UBE2K: variants seen among roughly 807,000 people sequenced by gnomAD.
UBE2K encodes ubiquitin-conjugating enzyme E2 K.
A neutral mutation model predicts 30.0 loss-of-function variants in UBE2K; 6 were observed. The observed-to-expected ratio is 0.20, with a 90% CI of 0.11 to 0.39. The LOEUF (loss-of-function observed/expected upper bound fraction) is 0.39. UBE2K is among the 10% of genes least tolerant of loss of function. The probability of loss-of-function intolerance (pLI) is 1.00; values close to 1 mark genes in which losing one functional copy is unlikely to be tolerated. For missense variants in UBE2K, 61 were observed against 241.6 expected (o/e 0.25, Z 4.96); for synonymous variants, 86 against 83.7 (o/e 1.03, Z -0.15).
At chr4:39,699,145 A>G (rs994838273) in intron 1 of UBE2K, among the ~76,000 whole-genome samples, 12 of 152,214 alleles carry the variant, frequency 7.9e-5, no homozygotes, top group Admixed American at 7.9e-4. Context: ...TATTAAAGAC[A>G]TGTAAATATT....
chr4:39,724,741 G>T (rs937241238), intron 1 of UBE2K, among the ~76,000 whole-genome samples: 1 of 151,276 alleles, frequency 6.6e-6, no homozygotes, highest in African/African-American at 2.4e-5. Context: ...CTGCCCTTCA[G>T]CCTGGGGGAC....
intron 1 of UBE2K, among the ~76,000 whole-genome samples, chr4:39,734,209 G>T (rs1040992622): frequency 2.7e-5 from 4 of 148,738 alleles, no homozygotes; most frequent in Admixed American, 6.8e-5. Flanking sequence ...GGATTCAAAC[G>T]ATTCTCGTGC....
At chr4:39,777,084 G>A (rs1013759680) in intron 5 of UBE2K, among the ~76,000 whole-genome samples, 6 of 152,142 alleles carry the variant, frequency 3.9e-5, no homozygotes, top group Admixed American at 1.3e-4. Flanking sequence ...CAAAGTATTT[G>A]ATAAATTTAC....
At chr4:39,728,133 C>CA (rs149266525) in intron 1 of UBE2K, among the ~76,000 whole-genome samples, 19,683 of 145,282 alleles carry the variant, frequency 0.14, 1,351 homozygotes, top group East Asian at 0.22. Context: ...GACACCATCT[C>CA]AAAAAAAAAA....
chr4:39,713,915 G>C (rs1399461168), intron 1 of UBE2K: 1 of 151,364 alleles, frequency 6.6e-6, no homozygotes, highest in East Asian at 1.9e-4. Flanking sequence ...ACAGAGTCTT[G>C]CTCTATTATT....
At chr4:39,749,817 C>T (rs1721163371) in intron 3 of UBE2K, among the ~76,000 whole-genome samples, 1 of 152,176 alleles carries the variant, frequency 6.6e-6, no homozygotes, top group African/African-American at 2.4e-5. Context: ...CATGCATATT[C>T]AAAATAGCAT....
intron 1 of UBE2K, among the ~76,000 whole-genome samples, chr4:39,698,678 G>A (rs971501768): frequency 6.6e-6 from 1 of 152,146 alleles, no homozygotes; most frequent in Non-Finnish European, 1.5e-5. Flanking sequence ...AAGAGAACCC[G>A]AGGCGGTGGC....
intron 1 of UBE2K, among the ~76,000 whole-genome samples, chr4:39,706,626 C>T (rs1044178751): frequency 4.6e-5 from 7 of 151,158 alleles, no homozygotes; most frequent in South Asian, 2.1e-4. Context: ...CGCGCCCCAC[C>T]GCCCAGCCAA....
chr4:39,767,990 T>C (rs1250202492), intron 4 of UBE2K, among the ~76,000 whole-genome samples: 1 of 152,176 alleles, frequency 6.6e-6, no homozygotes, highest in African/African-American at 2.4e-5. Flanking sequence ...ATATTTTGTC[T>C]TTGTGTTCCT....
intron 4 of UBE2K, among the ~76,000 whole-genome samples, chr4:39,771,940 G>C (rs1408513014): frequency 6.6e-6 from 1 of 152,114 alleles, no homozygotes; most frequent in Non-Finnish European, 1.5e-5. Context: ...TCCCAGGTTC[G>C]AGCGATTCCT....
intron 1 of UBE2K, among the ~76,000 whole-genome samples, chr4:39,698,869 T>G (rs921723145): frequency 6.6e-6 from 1 of 152,124 alleles, no homozygotes; most frequent in African/African-American, 2.4e-5. Flanking sequence ...GTTCTTTTCT[T>G]GGGGAAGGAG....
chr4:39,754,318 T>A lies in UBE2K; in HGVS notation c.217-1339T>A, dbSNP rs527832906. Among the ~76,000 whole-genome samples the A allele has an allele frequency of 3.2e-4, 48 of 152,250 alleles. No individual in the cohort carries two copies. The South Asian group carries it at 9.1e-3, about 29-fold the overall frequency. Reference sequence around the variant, plus strand: ...TGAAAAGAATCAAGCATAGCAAGAATGAAGGAATGGAAAGTATCTTATTTT... The same window carrying A: ...TGAAAAGAATCAAGCATAGCAAGAAAGAAGGAATGGAAAGTATCTTATTTT... On this transcript the variant is annotated intron_variant, in intron 3 of 6. Coordinates refer to ENST00000261427, the MANE Select transcript of UBE2K (RefSeq NM_005339.5).
chr4:39,740,678 C>T (rs9993641), intron 2 of UBE2K, among the ~76,000 whole-genome samples: 59 of 148,434 alleles, frequency 4.0e-4, no homozygotes, highest in African/African-American at 1.3e-3. Flanking sequence ...CTGGCTAACA[C>T]GATGAAACCC....
intron 1 of UBE2K, among the ~76,000 whole-genome samples, chr4:39,735,151 T>A (rs1405007575): frequency 6.6e-6 from 1 of 152,342 alleles, no homozygotes; most frequent in Non-Finnish European, 1.5e-5. Flanking sequence ...TCAGTGAAAG[T>A]TGGATGCCTC....
At chr4:39,723,735 G>A (rs540356383) in intron 1 of UBE2K, among the ~76,000 whole-genome samples, 10 of 152,164 alleles carry the variant, frequency 6.6e-5, no homozygotes, top group Non-Finnish European at 1.2e-4. Flanking sequence ...TTAAATTTTT[G>A]TTAAGGGAAA....
chr4:39,765,668 A>T (rs900054739), intron 4 of UBE2K, among the ~76,000 whole-genome samples: 5 of 151,710 alleles, frequency 3.3e-5, no homozygotes, highest in Admixed American at 6.6e-5. Context: ...AAAAATACAA[A>T]AACGTTAGCC....
intron 5 of UBE2K, among the ~76,000 whole-genome samples, chr4:39,775,783 C>G (rs1352627126): frequency 6.6e-6 from 1 of 152,170 alleles, no homozygotes; most frequent in Non-Finnish European, 1.5e-5. Context: ...CTACTCTAAG[C>G]CATTGGAATA....
chr4:39,705,772 C>A (rs1718322177), intron 1 of UBE2K, among the ~76,000 whole-genome samples: 1 of 152,022 alleles, frequency 6.6e-6, no homozygotes, highest in Non-Finnish European at 1.5e-5. Flanking sequence ...ACTGCAACCT[C>A]CGCCTCCCAG....
At chr4:39,710,087 A>G (rs1204222666) in intron 1 of UBE2K, 1 of 151,926 alleles carries the variant, frequency 6.6e-6, no homozygotes, top group Non-Finnish European at 1.5e-5. Context: ...TTATTTTTTT[A>G]AGGCTAGTCA....
Sources: gnomAD v4.1 joint callset for allele counts (sites outside exome capture counted in the v4.1 genomes callset) on GRCh38, gnomAD v4.1.1 for gene constraint, MANE v1.5 for transcripts, NCBI Gene and HGNC (gene_info 2026-07-23, HGNC 2026-07-21) for gene names.